GOLM1: variants seen among roughly 807,000 people sequenced by gnomAD.
GOLM1 encodes the protein golgi membrane protein 1, also known as epididymis luminal protein 46.
GOLM1 carries 31 observed loss-of-function variants against 50.5 expected under a neutral mutation model. The ratio of observed to expected loss-of-function variants is 0.61; its 90% CI spans 0.46 to 0.83. The LOEUF (loss-of-function observed/expected upper bound fraction) is 0.83. Ranked by LOEUF, GOLM1 falls within the 40% of genes least tolerant of loss-of-function variation. GOLM1 has a pLI of 0.00. For missense variants in GOLM1, 491 were observed against 501.3 expected (o/e 0.98, Z 0.20); for synonymous variants, 178 against 192.8 (o/e 0.92, Z 0.64).
chr9:86,094,926 A>G (rs561880906), intron 1 of GOLM1, among the ~76,000 whole-genome samples: 1 of 152,238 alleles, frequency 6.6e-6, no homozygotes, highest in South Asian at 2.1e-4. Flanking sequence ...TTTACTAAAA[A>G]TACAAAATTA....
intron 3 of GOLM1, among the ~76,000 whole-genome samples, chr9:86,076,240 G>GA (rs1169661536): frequency 6.6e-6 from 1 of 151,648 alleles, no homozygotes; most frequent in Non-Finnish European, 1.5e-5. Context: ...CCAACATGGC[G>GA]AAATCCCATC....
chr9:86,079,015 C>CT (rs1217737557), intron 2 of GOLM1, among the ~76,000 whole-genome samples, 177 bp downstream of exon 2: 1 of 152,220 alleles, frequency 6.6e-6, no homozygotes, highest in African/African-American at 2.4e-5. Flanking sequence ...CCCAAAGCTG[C>CT]TTGGGGTCTG....
Position 86,059,347 on chromosome 9 carries a change from G to A in GOLM1, c.310-6756C>T, listed in dbSNP as rs551590646. The stretch of plus-strand genomic sequence containing the variant: ...GCAAACATGGTATATCCACCTAAGG[G>A]ACTATCGTTCAGCCATAGGAGAGAA... On this transcript the variant is annotated intron_variant, in intron 3 of 9. Coordinates refer to ENST00000388712, the MANE Select transcript of GOLM1 (RefSeq NM_016548.4). Among the ~76,000 whole-genome samples, 4 of 152,320 alleles carry A rather than the reference G, an allele frequency of 2.6e-5. No individual in the cohort carries two copies. The South Asian group carries it at 8.3e-4, about 32-fold the overall frequency.
chr9:86,051,754 G>A (rs776444863), intron 4 of GOLM1, among the ~76,000 whole-genome samples: 9 of 151,396 alleles, frequency 5.9e-5, no homozygotes, highest in Non-Finnish European at 8.8e-5. Context: ...TCCCACCCCC[G>A]CAGCCAGGCA....
At chr9:86,092,447 C>T (rs917372983) in intron 1 of GOLM1, among the ~76,000 whole-genome samples, 7 of 152,166 alleles carry the variant, frequency 4.6e-5, no homozygotes, top group African/African-American at 7.2e-5. Context: ...CCACTGAGGC[C>T]GTGGACATCC....
chr9:86,035,532 G>T lies in GOLM1; in HGVS notation c.851C>A (p.Pro284His). The change falls in exon 8 of 10, where the codon CCT (proline) becomes CAT (histidine). Residue 284 changes from proline (P) to histidine (H), a missense_variant. Coordinates refer to ENST00000388712, the MANE Select transcript of GOLM1 (RefSeq NM_016548.4). ...PGREQVVEDR[P>H]VGGRGFGGAG... is the part of the protein sequence containing the mutation. ...TCCCCCGAAGCCTCTTCCACCTACAGGTCTGTCTTCCACCACCTGCTCCCG... is the reference window on the plus strand; with the variant it reads ...TCCCCCGAAGCCTCTTCCACCTACATGTCTGTCTTCCACCACCTGCTCCCG... 6.2e-7 allele frequency: 1 copy of T among 1,612,096 alleles called. No individual in the cohort carries two copies. Among genetic ancestry groups the T allele is most frequent in the Non-Finnish European group, 8.5e-7 (1 of 1,179,978 alleles).
At chr9:86,050,351 G>C (rs1833703582) in intron 4 of GOLM1, among the ~76,000 whole-genome samples, 1 of 152,144 alleles carries the variant, frequency 6.6e-6, no homozygotes, top group Non-Finnish European at 1.5e-5. Context: ...TCTCTGCCAG[G>C]CTTTGGTATC....
At chr9:86,096,467 T>C (rs1460990501) in intron 1 of GOLM1, among the ~76,000 whole-genome samples, 1 of 152,178 alleles carries the variant, frequency 6.6e-6, no homozygotes, top group African/African-American at 2.4e-5. Context: ...ATTAGCAGCA[T>C]CAGCATTACC....
intron 1 of GOLM1, among the ~76,000 whole-genome samples, chr9:86,098,497 T>C (rs987311494): frequency 1.3e-5 from 2 of 152,200 alleles, no homozygotes; most frequent in African/African-American, 4.8e-5. Flanking sequence ...ATAATGTGCA[T>C]AATGTAGGGC....
At chr9:86,093,833 C>T (rs1329163670) in intron 1 of GOLM1, among the ~76,000 whole-genome samples, 1 of 152,140 alleles carries the variant, frequency 6.6e-6, no homozygotes, top group Non-Finnish European at 1.5e-5. Context: ...TCATATAGGG[C>T]TTTAAATCAG....
chr9:86,047,354 C>A (rs1211504077), intron 4 of GOLM1, among the ~76,000 whole-genome samples: 1 of 152,198 alleles, frequency 6.6e-6, no homozygotes, highest in Non-Finnish European at 1.5e-5. Flanking sequence ...AAGGTGGGCC[C>A]TCACAACACT....
intron 1 of GOLM1, among the ~76,000 whole-genome samples, chr9:86,086,981 C>G (rs1309925007): frequency 6.6e-6 from 1 of 152,156 alleles, no homozygotes; most frequent in Non-Finnish European, 1.5e-5. Flanking sequence ...TTTTCCAATT[C>G]TGTGAAGAAA....
chr9:86,086,302 C>T (rs1480674447), intron 1 of GOLM1, among the ~76,000 whole-genome samples: 5 of 152,066 alleles, frequency 3.3e-5, no homozygotes, highest in Admixed American at 6.6e-5. Context: ...ATCCTTCGCC[C>T]AGTTTTTGAT....
chr9:86,099,596 C>T (rs1230585074), upstream of GOLM1: 1 of 147,810 alleles, frequency 6.8e-6, no homozygotes, highest in Non-Finnish European at 1.5e-5. Context: ...CCGAGCAGCG[C>T]CGGCGGCGCG....
chr9:86,099,565 C>T (rs1309725854), upstream of GOLM1: 6 of 147,790 alleles, frequency 4.1e-5, no homozygotes, highest in Non-Finnish European at 7.5e-5. Flanking sequence ...CTCCGGCCTC[C>T]GCAGCGGCAA....
At chr9:86,033,201 G>A (rs996870628) in intron 9 of GOLM1, 81 bp downstream of exon 9, 1 of 782,518 alleles carries the variant, frequency 1.3e-6, no homozygotes, top group Admixed American at 2.1e-5. Flanking sequence ...TAATTTTGGG[G>A]ATTCATTGGA....
chr9:86,032,764 G>A (rs935236340), intron 9 of GOLM1, among the ~76,000 whole-genome samples: 5 of 152,198 alleles, frequency 3.3e-5, no homozygotes, highest in Admixed American at 6.5e-5. Context: ...ACCACCTGCT[G>A]TTATGCCTCC....
chr9:86,053,982 C>T (rs1181610861), intron 3 of GOLM1, among the ~76,000 whole-genome samples: 1 of 152,118 alleles, frequency 6.6e-6, no homozygotes, highest in Non-Finnish European at 1.5e-5. Context: ...ATGCAGTGGC[C>T]ATTCCACTAA....
chr9:86,026,888 T>G lies in GOLM1; in HGVS notation c.*929A>C. On this transcript the variant is annotated 3_prime_UTR_variant, in exon 10 of 10. Transcript: ENST00000388712. Reference sequence around the variant, plus strand: ...TCTAAACAGTCCTAATTTCTAACACTGTATATATCCTTCGACATCAATGAA... The same window carrying G: ...TCTAAACAGTCCTAATTTCTAACACGGTATATATCCTTCGACATCAATGAA... The G allele has an allele frequency of 1.0e-6, 1 of 984,354 alleles. No individual in the cohort carries two copies. The highest frequency in any genetic ancestry group is 1.2e-6 in the Non-Finnish European group (1 of 828,974). The allele number at this position is 984,354 out of a possible 1,614,324, so 61.0% of individuals were successfully genotyped here.
Sources: allele counts gnomAD v4.1 joint callset (sites outside exome capture counted in the v4.1 genomes callset), GRCh38; gene constraint gnomAD v4.1.1; transcripts MANE v1.5; gene names NCBI Gene and HGNC (gene_info 2026-07-23, HGNC 2026-07-21).